The following GREB1 variants were observed in gnomAD, a reference collection of about 807,000 sequenced individuals.
GREB1 encodes protein GREB1.
Under a neutral mutation model 200.7 loss-of-function variants are expected in GREB1, and 106 were observed. That is an observed-to-expected ratio of 0.53 (90% CI 0.45 to 0.62). GREB1 has a LOEUF of 0.62. Ranked by LOEUF, GREB1 falls within the 20% of genes least tolerant of loss-of-function variation. GREB1 has a pLI of 0.00. For synonymous variants in GREB1, 1,132 were observed against 1,092.4 expected (o/e 1.04, Z -0.72); for missense variants, 2,243 against 2,556.8 (o/e 0.88, Z 2.65).
intron 28 of GREB1, 79 bp from the exon 29 acceptor site, chr2:11,634,052 G>C: frequency 3.8e-6 from 5 of 1,329,628 alleles, no homozygotes; most frequent in Non-Finnish European, 5.4e-6. Flanking sequence ...CTGAGAGCCG[G>C]TGCCACACTG....
intron 7 of GREB1, among the ~76,000 whole-genome samples, chr2:11,583,773 C>T (rs920966793): frequency 1.3e-5 from 2 of 151,996 alleles, no homozygotes; most frequent in African/African-American, 4.8e-5. Context: ...GCAGGAGAAT[C>T]GCTTGAACTC....
intron 1 of GREB1, among the ~76,000 whole-genome samples, chr2:11,511,369 A>G (rs1477074322): frequency 2.6e-5 from 4 of 152,106 alleles, no homozygotes; most frequent in Admixed American, 6.5e-5. Flanking sequence ...TAGGAAGACA[A>G]TTTTTGGCTC....
intron 25 of GREB1, among the ~76,000 whole-genome samples, chr2:11,628,479 C>T (rs754485186): frequency 5.9e-5 from 9 of 151,992 alleles, no homozygotes; most frequent in South Asian, 2.1e-4. Context: ...GCTTGGCTGC[C>T]GGGGACGCAG....
Position 11,632,110 on chromosome 2 carries a change from G to A in GREB1, c.4813G>A (p.Val1605Ile). ...CCCCAGTATCTTCAACAGTGCTGGA[G>A]TTGGTGAGTGTCCTTTAACATCATC... ...VLPSIFNSAG[V>I]GAAHFLIKEL... The change falls in exon 27 of 33, where the codon GTT becomes ATT. Residue 1605 changes from valine to isoleucine, a missense_variant. Around this residue, in one of 3 missense-constraint regions of GREB1, gnomAD observed 478 missense variants for 616.3 expected, o/e 0.78. Coordinates refer to ENST00000381486, the MANE Select transcript of GREB1 (RefSeq NM_014668.4). The A allele has an allele frequency of 1.9e-6, 3 of 1,608,774 alleles. No homozygotes were observed. The highest frequency in any genetic ancestry group is 8.5e-7 in the Non-Finnish European group (1 of 1,175,180).
chr2:11,607,724 A>G (rs1016681330), intron 17 of GREB1, among the ~76,000 whole-genome samples: 2 of 151,886 alleles, frequency 1.3e-5, no homozygotes, highest in African/African-American at 4.8e-5. Context: ...ATTGATGTAC[A>G]TACACATTGA....
In GREB1 at chr2:11,548,728, G is replaced by A. The variant is rs1170597392; in HGVS notation, c.-161-7726G>A. 2.6e-5 allele frequency among the ~76,000 whole-genome samples: 4 copies of A among 151,950 alleles called. No homozygotes were observed. Among genetic ancestry groups the A allele is most frequent in the African/African-American group, 9.7e-5 (4 of 41,328 alleles). ...TGAGTCCCCTCTCCTTCTACCCTCTGTTGGATCCCCCATCCTGGCCCCCTG... is the reference window on the plus strand; with the variant it reads ...TGAGTCCCCTCTCCTTCTACCCTCTATTGGATCCCCCATCCTGGCCCCCTG... On this transcript the variant is annotated intron_variant, in intron 1 of 32. Transcript: ENST00000381486. The surrounding 1 kb of genome is among the most constrained non-coding windows in gnomAD (Gnocchi z 5.1).
chr2:11,569,425 G>T (rs1678034373), intron 4 of GREB1, among the ~76,000 whole-genome samples: 1 of 152,158 alleles, frequency 6.6e-6, no homozygotes, highest in Non-Finnish European at 1.5e-5. Flanking sequence ...GTGCGACATG[G>T]TCCAGCAGAG....
intron 12 of GREB1, 148 bp from the exon 13 acceptor site, chr2:11,595,963 C>G: frequency 1.5e-6 from 1 of 687,024 alleles, no homozygotes; most frequent in Non-Finnish European, 2.5e-6. Context: ...CCTGACTAGG[C>G]TGAGACCCCT....
chr2:11,538,949 G>GTCCCCTCCCCTCCTC (rs1553347371), intron 1 of GREB1, among the ~76,000 whole-genome samples: 2 of 9,754 alleles, frequency 2.1e-4, no homozygotes, highest in African/African-American at 2.5e-4. Context: ...CTCCCCTCGT[G>GTCCCCTCCCCTCCTC]TCCCCTCCCC....
At chr2:11,537,952 A>G (rs1674375744) in intron 1 of GREB1, among the ~76,000 whole-genome samples, 1 of 152,034 alleles carries the variant, frequency 6.6e-6, no homozygotes, top group African/African-American at 2.4e-5. Flanking sequence ...GCTTTTATGC[A>G]TTTATTGCAG....
intron 18 of GREB1, chr2:11,612,259 G>T (rs942650026): frequency 1.9e-5 from 22 of 1,179,180 alleles, no homozygotes; most frequent in Non-Finnish European, 2.1e-5. Context: ...GAGCTGGTCA[G>T]CTGATAGAGA....
At chr2:11,507,333 C>T (rs976140152) in intron 1 of GREB1, among the ~76,000 whole-genome samples, 13 of 145,190 alleles carry the variant, frequency 9.0e-5, no homozygotes, top group African/African-American at 2.8e-4. Flanking sequence ...TGCTTGAACC[C>T]GGGAGGCAGA....
In GREB1 at chr2:11,635,557, C is replaced by T. The variant is rs145064691; in HGVS notation, c.5346+152C>T. ...GGTGGGGTCAGTAAAGGTTTTTAAT[C>T]GGCATTGAGCCCTGGGAAATGATGG... On this transcript the variant is annotated intron_variant, in intron 30 of 32. Coordinates refer to ENST00000381486, the MANE Select transcript of GREB1 (RefSeq NM_014668.4). The T allele has an allele frequency of 4.4e-4, 336 of 755,608 alleles. 1 individual carries two copies. The African/African-American group carries it at 5.2e-3, about 12-fold the overall frequency. The allele number at this position is 755,608 out of a possible 1,614,324, so 46.8% of individuals were successfully genotyped here. A position where few individuals can be genotyped will look rare whatever the true frequency, so the allele number is the denominator to read the frequency against.
intron 14 of GREB1, among the ~76,000 whole-genome samples, chr2:11,598,377 G>C (rs1278343158): frequency 2.0e-5 from 3 of 152,258 alleles, no homozygotes; most frequent in Admixed American, 6.5e-5. Context: ...GGATTTTGCT[G>C]CTGGCAGGAC....
rs969618368 is a variant in GREB1, at chr2:11,492,162, A to T, written c.-159+9781A>T. On this transcript the variant is annotated intron_variant, in intron 1 of 2. Transcript: ENST00000628795. The surrounding 1 kb of genome is among the most constrained non-coding windows in gnomAD (Gnocchi z 4.0). ...CCATGGTCATTTAACGTGGCACTTTACTCTGGGATTGTTCACCTAGCACTG... is the reference window on the plus strand; with the variant it reads ...CCATGGTCATTTAACGTGGCACTTTTCTCTGGGATTGTTCACCTAGCACTG... Among the ~76,000 whole-genome samples, 7 of 151,832 alleles carry T rather than the reference A, an allele frequency of 4.6e-5. No homozygotes were observed. Among genetic ancestry groups the T allele is most frequent in the African/African-American group, 1.7e-4 (7 of 41,342 alleles).
intron 14 of GREB1, 50 bp downstream of exon 14, chr2:11,598,028 C>T (rs531272210): frequency 3.0e-5 from 41 of 1,351,192 alleles, no homozygotes; most frequent in African/African-American, 8.6e-5. Context: ...TTTGATCTGC[C>T]GAAATCCATG....
intron 23 of GREB1, among the ~76,000 whole-genome samples, chr2:11,621,594 TTCC>T (rs1684020791): frequency 6.6e-6 from 1 of 152,212 alleles, no homozygotes; most frequent in Non-Finnish European, 1.5e-5. Flanking sequence ...CCTCCCCTGT[TTCC>T]TCCTCATCCC....
At chr2:11,505,314 C>A (rs893973493) in intron 1 of GREB1, among the ~76,000 whole-genome samples, 1 of 152,106 alleles carries the variant, frequency 6.6e-6, no homozygotes, top group African/African-American at 2.4e-5. Context: ...TCATGCTTCT[C>A]CTTTGCTTAA....
intron 17 of GREB1, among the ~76,000 whole-genome samples, chr2:11,609,071 C>T (rs914903796): frequency 2.0e-5 from 3 of 152,084 alleles, no homozygotes; most frequent in African/African-American, 7.2e-5. Flanking sequence ...CCTGATGTCC[C>T]ATGTATTGAA....
Sources: gnomAD v4.1 joint callset for allele counts (sites outside exome capture counted in the v4.1 genomes callset) on GRCh38, gnomAD v4.1.1 for gene constraint, gnomAD v4.1.1 regional missense constraint, Gnocchi (gnomAD v3.1) non-coding constraint, MANE v1.5 for transcripts, NCBI Gene and HGNC (gene_info 2026-07-23, HGNC 2026-07-21) for gene names.